FYB2: variants seen among roughly 807,000 people sequenced by gnomAD.
The protein encoded by FYB2 is FYN binding protein 2.
Under a neutral mutation model 94.1 loss-of-function variants are expected in FYB2, and 103 were observed. The observed-to-expected ratio is 1.09, with a 90% CI of 0.93 to 1.29. The LOEUF (loss-of-function observed/expected upper bound fraction) is 1.29, where lower values mean the gene tolerates loss of function less well. Among genes scored for constraint, FYB2 ranks in the 50% most tolerant of loss-of-function variants. The probability of loss-of-function intolerance (pLI) is 0.00; values close to 1 mark genes in which losing one functional copy is unlikely to be tolerated. For synonymous variants in FYB2, 293 were observed against 287.9 expected (o/e 1.02, Z -0.18); for missense variants, 896 against 841.5 (o/e 1.06, Z -0.80).
chr1:56,751,159 G>C lies in FYB2; in HGVS notation c.1272C>G (p.Asn424Lys). The C allele has an allele frequency of 6.2e-7, 1 of 1,612,634 alleles. No homozygotes were observed. Among genetic ancestry groups the C allele is most frequent in the Non-Finnish European group, 8.5e-7 (1 of 1,179,166 alleles). ...ACATGTTCCTTCTACCTGTGTGGAC[G>C]TTGGTCATCTGAATTTTTTCAGGTG... is the stretch of plus-strand genomic sequence containing the variant. ...EGTPEKIQMT[N>K]VHTGRRNMLA... The change falls in exon 9 of 20, where the codon AAC (asparagine) becomes AAG (lysine). Residue 424 changes from asparagine to lysine, a missense_variant. Asn to Lys is a moderately conservative substitution (Grantham distance 94). Transcript: ENST00000343433.
chr1:56,738,871 T>A (rs1644888111), intron 13 of FYB2, among the ~76,000 whole-genome samples: 2 of 152,090 alleles, frequency 1.3e-5, no homozygotes, highest in African/African-American at 4.8e-5. Flanking sequence ...AATCCAGGTT[T>A]GGGAAGAGAA....
At chr1:56,791,413 G>A (rs1387768738) in intron 2 of FYB2, among the ~76,000 whole-genome samples, 1 of 152,024 alleles carries the variant, frequency 6.6e-6, no homozygotes, top group Non-Finnish European at 1.5e-5. Context: ...AGGCCACCAT[G>A]TCCAGCTAAT....
chr1:56,744,939 TAGAA>T (rs1645035553), intron 9 of FYB2, among the ~76,000 whole-genome samples: 1 of 152,128 alleles, frequency 6.6e-6, no homozygotes, highest in East Asian at 1.9e-4. Flanking sequence ...TAATCAGAAA[TAGAA>T]AGTAATATAC....
chr1:56,789,939 C>T (rs995136136), intron 2 of FYB2, among the ~76,000 whole-genome samples: 4 of 152,116 alleles, frequency 2.6e-5, no homozygotes, highest in Non-Finnish European at 4.4e-5. Flanking sequence ...GGACTGGCTT[C>T]AAGGCTGACT....
At chr1:56,729,804 T>C (rs1281638426) in intron 15 of FYB2, among the ~76,000 whole-genome samples, 2 of 152,084 alleles carry the variant, frequency 1.3e-5, no homozygotes, top group African/African-American at 4.8e-5. Context: ...ATCAACAAGT[T>C]TTTAAAAATC....
At chr1:56,788,866 T>G in intron 3 of FYB2, 107 bp downstream of exon 3, 2 of 1,446,428 alleles carry the variant, frequency 1.4e-6, no homozygotes, top group South Asian at 2.3e-5. Context: ...CAGTGATGGA[T>G]GTCCAGCCTC....
At chr1:56,745,688 A>T (rs760869866) in intron 9 of FYB2, among the ~76,000 whole-genome samples, 2 of 152,072 alleles carry the variant, frequency 1.3e-5, no homozygotes, top group Non-Finnish European at 2.9e-5. Flanking sequence ...GACAGAAGCC[A>T]GATGATTTTT....
chr1:56,726,971 A>T (rs1644598057), intron 15 of FYB2, among the ~76,000 whole-genome samples: 1 of 151,860 alleles, frequency 6.6e-6, no homozygotes, highest in Admixed American at 6.6e-5. Context: ...TGCCTCTAAA[A>T]TATGAACAAT....
At chr1:56,750,977 T>A in intron 9 of FYB2, 67 bp downstream of exon 9, 1 of 1,514,508 alleles carries the variant, frequency 6.6e-7, no homozygotes, top group Non-Finnish European at 9.0e-7. Flanking sequence ...TAAATTAAAA[T>A]TTTGGCCATG....
Position 56,806,175 on chromosome 1 carries a change from C to T in FYB2, c.9+13107G>A, listed in dbSNP as rs185321950. Among the ~76,000 whole-genome samples the T allele has an allele frequency of 1.7e-3, 259 of 152,254 alleles. 1 individual carries two copies. Among genetic ancestry groups the T allele is most frequent in the African/African-American group, 5.9e-3 (245 of 41,552 alleles). ...TGGAAAAGATGGACACATAAACAGA[C>T]GATGACAACACCTTGAGGTCCCTGC... On this transcript the variant is annotated intron_variant, in intron 1 of 19. Coordinates refer to ENST00000343433, the MANE Select transcript of FYB2 (RefSeq NM_001004303.5).
intron 1 of FYB2, among the ~76,000 whole-genome samples, chr1:56,817,534 A>G (rs1438841440): frequency 6.6e-6 from 1 of 152,192 alleles, no homozygotes. Flanking sequence ...TCACTAGAAT[A>G]TGAGGTTTAG....
At chr1:56,815,167 A>G (rs1211892762) in intron 1 of FYB2, among the ~76,000 whole-genome samples, 1 of 151,806 alleles carries the variant, frequency 6.6e-6, no homozygotes, top group Admixed American at 6.6e-5. Flanking sequence ...ACTATCCCCA[A>G]CTATCACCCT....
intron 14 of FYB2, among the ~76,000 whole-genome samples, chr1:56,738,424 G>C (rs79541345): frequency 0.064 from 9,689 of 152,156 alleles, 363 homozygotes; most frequent in South Asian, 0.13. Flanking sequence ...CCAGGGCATG[G>C]TATGTAGTAG....
At chr1:56,739,910 A>G (rs563743089) in intron 13 of FYB2, among the ~76,000 whole-genome samples, 2 of 152,196 alleles carry the variant, frequency 1.3e-5, no homozygotes, top group African/African-American at 2.4e-5. Flanking sequence ...TAGAGTTGCA[A>G]TGAGTTTATT....
chr1:56,737,372 A>AGATACTGGG (rs1644852046), intron 14 of FYB2: 2 of 406,140 alleles, frequency 4.9e-6, no homozygotes, highest in Non-Finnish European at 8.6e-6. Context: ...GTGATGTCCC[A>AGATACTGGG]GTATCTCAAA....
At chr1:56,747,600 T>C (rs1197952157) in intron 9 of FYB2, among the ~76,000 whole-genome samples, 2 of 152,158 alleles carry the variant, frequency 1.3e-5, no homozygotes, top group East Asian at 3.9e-4. Context: ...TTCTTTTTTA[T>C]GGCTGCATAG....
chr1:56,738,308 G>A (rs1569916268), intron 14 of FYB2, among the ~76,000 whole-genome samples: 2 of 152,104 alleles, frequency 1.3e-5, no homozygotes, highest in East Asian at 3.9e-4. Context: ...CATAGTCAGA[G>A]AGCCTGGAAT....
intron 2 of FYB2, among the ~76,000 whole-genome samples, chr1:56,789,691 C>T (rs992392151): frequency 2.6e-5 from 4 of 152,022 alleles, no homozygotes; most frequent in African/African-American, 4.8e-5. Flanking sequence ...TTGTTAATAC[C>T]CTTACATCAA....
At chr1:56,745,553 G>A (rs1006406854) in intron 9 of FYB2, among the ~76,000 whole-genome samples, 7 of 151,784 alleles carry the variant, frequency 4.6e-5, no homozygotes, top group African/African-American at 1.2e-4. Flanking sequence ...ATTATATTCC[G>A]ATTTCAAATA....
Sources: allele counts gnomAD v4.1 joint callset (sites outside exome capture counted in the v4.1 genomes callset), GRCh38; gene constraint gnomAD v4.1.1; transcripts MANE v1.5; gene names NCBI Gene and HGNC (gene_info 2026-07-23, HGNC 2026-07-21).